SUGT1: variants seen among roughly 807,000 people sequenced by gnomAD.
SUGT1 encodes protein SGT1 homolog.
SUGT1 carries 15 observed loss-of-function variants against 56.1 expected under a neutral mutation model. The ratio of observed to expected loss-of-function variants is 0.27; its 90% CI spans 0.18 to 0.41. The LOEUF (loss-of-function observed/expected upper bound fraction) is 0.41, where lower values mean the gene tolerates loss of function less well. Among genes scored for constraint, SUGT1 ranks in the 10% least tolerant of loss-of-function variants. The probability of loss-of-function intolerance (pLI) is 1.00; values close to 1 mark genes in which losing one functional copy is unlikely to be tolerated. For missense variants in SUGT1, 347 were observed against 382.2 expected, an observed-to-expected ratio of 0.91 and a Z score of 0.77; for synonymous variants, 123 against 128.6, an observed-to-expected ratio of 0.96 and a Z score of 0.30.
chr13:52,698,230 G>A lies in SUGT1; in HGVS notation c.*10395G>A, dbSNP rs2138200678. ...TTCCCTGGAATGCAAACATGTATTT[G>A]CATTTCATCCACTGTCAGTATGAGG... On this transcript the variant is annotated 3_prime_UTR_variant, in exon 13 of 13. Coordinates refer to ENST00000310528, the MANE Select transcript of SUGT1 (RefSeq NM_006704.5). 1 of 152,214 alleles carries A rather than the reference G, an allele frequency of 6.6e-6. No homozygotes were observed. The highest frequency in any genetic ancestry group is 2.1e-4 in the South Asian group (1 of 4,826). The allele number at this position is 152,214 out of a possible 1,614,324, so 9.4% of individuals were successfully genotyped here. A position where few individuals can be genotyped will look rare whatever the true frequency, so the allele number is the denominator to read the frequency against.
At position 52,694,781 on chromosome 13, in the gene SUGT1, C is replaced by G. The variant is rs1222032023; in HGVS notation, c.*6946C>G. On this transcript the variant is annotated 3_prime_UTR_variant, in exon 13 of 13. Coordinates refer to ENST00000310528, the MANE Select transcript of SUGT1 (RefSeq NM_006704.5). ...TTTGGCTCACTGCAAGCTCCGCCTC[C>G]CGGTTCACGCCATTCTCATGCCTCA... The G allele has an allele frequency of 6.6e-6, 1 of 152,298 alleles. No individual in the cohort carries two copies. Among genetic ancestry groups the G allele is most frequent in the Admixed American group, 6.5e-5 (1 of 15,290 alleles). 9.4% of individuals were successfully genotyped at this position (152,298 alleles called of 1,614,324 possible). A position where few individuals can be genotyped will look rare whatever the true frequency, so the allele number is the denominator to read the frequency against.
At chr13:52,664,621 G>A (rs1012456072) in intron 8 of SUGT1, among the ~76,000 whole-genome samples, 1 of 152,120 alleles carries the variant, frequency 6.6e-6, no homozygotes, top group African/African-American at 2.4e-5. Context: ...AAGGGAAACC[G>A]AGACTCTTAA....
At chr13:52,671,547 G>GT (rs1426403549) in intron 10 of SUGT1, among the ~76,000 whole-genome samples, 3 of 152,144 alleles carry the variant, frequency 2.0e-5, no homozygotes, top group Non-Finnish European at 4.4e-5. Flanking sequence ...TTACTGCATG[G>GT]TGTAGGTATT....
At chr13:52,674,060 T>TTC (rs200987243) in intron 10 of SUGT1, among the ~76,000 whole-genome samples, 1,541 of 144,316 alleles carry the variant, frequency 0.011, 36 homozygotes, top group African/African-American at 0.037. Context: ...ATACTTTTTT[T>TTC]TTTTTTTTTT....
At chr13:52,680,952 C>G (rs1354855320) in intron 12 of SUGT1, among the ~76,000 whole-genome samples, 4 of 152,062 alleles carry the variant, frequency 2.6e-5, no homozygotes, top group Non-Finnish European at 5.9e-5. Context: ...AGTGATTTTC[C>G]TACCTCAGCC....
chr13:52,682,624 T>C (rs951755248), intron 12 of SUGT1, among the ~76,000 whole-genome samples: 1 of 152,246 alleles, frequency 6.6e-6, no homozygotes, highest in Non-Finnish European at 1.5e-5. Context: ...TCTTTTCTCA[T>C]TGAATTGCTT....
intron 2 of SUGT1, 60 bp downstream of exon 2, chr13:52,653,163 C>G: frequency 6.3e-7 from 1 of 1,599,692 alleles, no homozygotes; most frequent in Non-Finnish European, 8.5e-7. Flanking sequence ...CACTTCGGGT[C>G]CCCGCTGACC....
intron 4 of SUGT1, 41 bp from the exon 5 acceptor site, chr13:52,659,138 T>C (rs764049111): frequency 6.8e-7 from 1 of 1,472,966 alleles, no homozygotes; most frequent in South Asian, 1.4e-5. Context: ...ATTTTCCAGA[T>C]TTTTTGTGTG....
intron 11 of SUGT1, among the ~76,000 whole-genome samples, chr13:52,678,853 A>T (rs1031238601): frequency 5.4e-5 from 8 of 149,132 alleles, no homozygotes; most frequent in East Asian, 2.0e-4. Flanking sequence ...AATTATTATT[A>T]TTTTTTTTTC....
rs2138124859 is a variant in SUGT1, at chr13:52,664,023, T to C, written c.400-12T>C. The C allele has an allele frequency of 1.9e-6, 3 of 1,612,832 alleles. No individual in the cohort carries two copies. Among genetic ancestry groups the C allele is most frequent in the Non-Finnish European group, 2.5e-6 (3 of 1,179,468 alleles). ...TTCTCTTTCAACTTACCAAAATCAA[T>C]CTGCATCCCAGTGGACTCATCAGTC... is the stretch of plus-strand genomic sequence containing the variant. On this transcript the variant is annotated splice_polypyrimidine_tract_variant and intron_variant, in intron 7 of 12. Coordinates refer to ENST00000310528, the MANE Select transcript of SUGT1 (RefSeq NM_006704.5).
At chr13:52,674,403 C>G (rs1288444565) in intron 10 of SUGT1, among the ~76,000 whole-genome samples, 1 of 151,510 alleles carries the variant, frequency 6.6e-6, no homozygotes, top group African/African-American at 2.4e-5. Flanking sequence ...TATTACATTT[C>G]TTTGCTCCAA....
Position 52,659,250 on chromosome 13 carries a change from G to A in SUGT1, c.328+1G>A. On this transcript the variant is annotated splice_donor_variant, in intron 5 of 12. Coordinates refer to ENST00000310528, the MANE Select transcript of SUGT1 (RefSeq NM_006704.5). LOFTEE classifies it high-confidence loss of function. ...TTTACAGAAGGACAAAAATTAGATA[G>A]TAAGTATTAAAAATTATACTTTAAT... 6.9e-7 allele frequency: 1 copy of A among 1,458,456 alleles called. No individual in the cohort carries two copies. Among genetic ancestry groups the A allele is most frequent in the Non-Finnish European group, 9.1e-7 (1 of 1,100,796 alleles). 90.3% of individuals were successfully genotyped at this position (1,458,456 alleles called of 1,614,324 possible). A position where few individuals can be genotyped will look rare whatever the true frequency, so the allele number is the denominator to read the frequency against.
At chr13:52,674,053 CTTTTTTTT>C (rs765220996) in intron 10 of SUGT1, among the ~76,000 whole-genome samples, 11 of 107,962 alleles carry the variant, frequency 1.0e-4, no homozygotes, top group East Asian at 5.3e-4. Context: ...AGATAGTATA[CTTTTTTTT>C]TTTTTTTTTT....
At chr13:52,654,337 TGTC>T (rs1386322208) in intron 2 of SUGT1, among the ~76,000 whole-genome samples, 6 of 152,252 alleles carry the variant, frequency 3.9e-5, no homozygotes, top group Non-Finnish European at 8.8e-5. Context: ...CATTTGTTAT[TGTC>T]GTGTTAGACC....
intron 6 of SUGT1, 29 bp downstream of exon 6, chr13:52,662,731 C>T: frequency 6.3e-7 from 1 of 1,597,620 alleles, no homozygotes; most frequent in Non-Finnish European, 8.5e-7. Flanking sequence ...GTATTTGTTT[C>T]AATTTAAAAA....
Position 52,688,871 on chromosome 13 carries a change from A to G in SUGT1, c.*1036A>G, listed in dbSNP as rs1963686745. On this transcript the variant is annotated 3_prime_UTR_variant, in exon 13 of 13. Coordinates refer to ENST00000310528, the MANE Select transcript of SUGT1 (RefSeq NM_006704.5). ...TGAACTCGGTATAAATACACTTTAGAGACAGGAAAATGTTCTGTGATTAAA... is the reference window on the plus strand; with the variant it reads ...TGAACTCGGTATAAATACACTTTAGGGACAGGAAAATGTTCTGTGATTAAA... The G allele has an allele frequency of 6.6e-6, 1 of 152,236 alleles. No individual in the cohort carries two copies. The highest frequency in any genetic ancestry group is 2.4e-5 in the African/African-American group (1 of 41,468). The allele number at this position is 152,236 out of a possible 1,614,324, so 9.4% of individuals were successfully genotyped here. A position where few individuals can be genotyped will look rare whatever the true frequency, so the allele number is the denominator to read the frequency against.
rs1226828321 is a variant in SUGT1 at position 52,690,910 on chromosome 13, C to T, written c.*3075C>T. 1 of 152,156 alleles carries T rather than the reference C, an allele frequency of 6.6e-6. No homozygotes were observed. The highest frequency in any genetic ancestry group is 2.4e-5 in the African/African-American group (1 of 41,430). The allele number at this position is 152,156 out of a possible 1,614,324, so 9.4% of individuals were successfully genotyped here. A position where few individuals can be genotyped will look rare whatever the true frequency, so the allele number is the denominator to read the frequency against. ...GTTTAGAGACACGGTCTTCTTCTAT[C>T]ACCTAGGCTGGAGTGCAGTGGTGCG... On this transcript the variant is annotated 3_prime_UTR_variant, in exon 13 of 13. Transcript: ENST00000310528.
chr13:52,653,386 ATT>A (rs3837576), intron 2 of SUGT1, among the ~76,000 whole-genome samples: 18,672 of 151,712 alleles, frequency 0.12, 1,486 homozygotes, highest in East Asian at 0.36. Flanking sequence ...GGCTGAAAGG[ATT>A]TTTTTTTTAA....
At chr13:52,660,267 G>A (rs1006132063) in intron 5 of SUGT1, among the ~76,000 whole-genome samples, 13 of 152,230 alleles carry the variant, frequency 8.5e-5, no homozygotes, top group Admixed American at 8.5e-4. Context: ...CTCTAAAGAA[G>A]TGGTTCTTAA....
Sources: allele counts gnomAD v4.1 joint callset (sites outside exome capture counted in the v4.1 genomes callset), GRCh38; gene constraint gnomAD v4.1.1; transcripts MANE v1.5; gene names NCBI Gene and HGNC (gene_info 2026-07-23, HGNC 2026-07-21).